SPAG17: variants seen among roughly 807,000 people sequenced by gnomAD.
SPAG17 encodes sperm associated antigen 17.
SPAG17 carries 169 observed loss-of-function variants against 273.6 expected under a neutral mutation model. The ratio of observed to expected loss-of-function variants is 0.62; its 90% CI spans 0.55 to 0.70. The LOEUF (loss-of-function observed/expected upper bound fraction) is 0.70, where lower values mean the gene tolerates loss of function less well. Among genes scored for constraint, SPAG17 ranks in the 30% least tolerant of loss-of-function variants. SPAG17 has a pLI of 0.00. For missense variants in SPAG17, 2,557 were observed against 2,627.8 expected, an observed-to-expected ratio of 0.97 and a Z score of 0.59; for synonymous variants, 825 against 873.2, an observed-to-expected ratio of 0.94 and a Z score of 0.97.
chr1:118,106,810 G>A (rs184640303), intron 4 of SPAG17, among the ~76,000 whole-genome samples: 2 of 152,258 alleles, frequency 1.3e-5, no homozygotes, highest in East Asian at 3.9e-4. Flanking sequence ...TCATGTGTTA[G>A]ACAGTAAGAG....
chr1:118,179,194 A>G (rs1660827295), intron 1 of SPAG17, among the ~76,000 whole-genome samples: 1 of 151,698 alleles, frequency 6.6e-6, no homozygotes, highest in Admixed American at 6.6e-5. Flanking sequence ...TGATTTCAAA[A>G]TATAGTAAAC....
Position 118,040,850 on chromosome 1 carries a change from G to GA in SPAG17, c.3055-10dup, listed in dbSNP as rs1314573770. ...ATATTGTATCCGTGAAACTAGAAGA[G>GA]AAAATATTATGCTTTGAGTGTGAAG... On this transcript the variant is annotated splice_polypyrimidine_tract_variant and intron_variant, in intron 21 of 48. Transcript: ENST00000336338. The GA allele has an allele frequency of 9.3e-6, 14 of 1,506,978 alleles. No homozygotes were observed. The highest frequency in any genetic ancestry group is 1.3e-5 in the Non-Finnish European group (14 of 1,081,812). 93.4% of individuals were successfully genotyped at this position (1,506,978 alleles called of 1,614,324 possible).
chr1:118,078,535 T>C (rs1176528047), intron 15 of SPAG17, among the ~76,000 whole-genome samples: 1 of 152,116 alleles, frequency 6.6e-6, no homozygotes, highest in Non-Finnish European at 1.5e-5. Flanking sequence ...CAAATAATGA[T>C]GGTTTTATTT....
intron 32 of SPAG17, among the ~76,000 whole-genome samples, chr1:118,002,231 C>T (rs1183379899): frequency 6.6e-6 from 1 of 152,138 alleles, no homozygotes; most frequent in Non-Finnish European, 1.5e-5. Flanking sequence ...CTGAGGAGTG[C>T]TTTACTTCCA....
At chr1:117,962,575 G>A (rs1405622001) in intron 48 of SPAG17, 3 of 150,582 alleles carry the variant, frequency 2.0e-5, no homozygotes, top group Non-Finnish European at 4.4e-5. Context: ...CTTGAATGAT[G>A]TATTGGGAGT....
chr1:118,162,973 G>A (rs1570806760), intron 1 of SPAG17, among the ~76,000 whole-genome samples: 1 of 152,218 alleles, frequency 6.6e-6, no homozygotes, highest in South Asian at 2.1e-4. Context: ...TAGATAAATA[G>A]ATACATAGGC....
At chr1:118,000,091 A>AC (rs1352316948) in intron 32 of SPAG17, among the ~76,000 whole-genome samples, 1 of 152,156 alleles carries the variant, frequency 6.6e-6, no homozygotes, top group African/African-American at 2.4e-5. Context: ...TCCTTTCCCC[A>AC]TTTCTTATTT....
intron 3 of SPAG17, among the ~76,000 whole-genome samples, chr1:118,140,357 C>G (rs990773947): frequency 6.6e-6 from 1 of 151,950 alleles, no homozygotes; most frequent in Non-Finnish European, 1.5e-5. Context: ...AATGTTCTCA[C>G]CACAAAAAAT....
chr1:118,161,465 ATC>A (rs1659907223), intron 1 of SPAG17, among the ~76,000 whole-genome samples: 1 of 152,060 alleles, frequency 6.6e-6, no homozygotes, highest in Non-Finnish European at 1.5e-5. Context: ...AGTTCCTGAG[ATC>A]TTTCTTCTGA....
At chr1:117,971,285 CACAAA>C (rs759163670) in intron 45 of SPAG17, among the ~76,000 whole-genome samples, 1 of 152,150 alleles carries the variant, frequency 6.6e-6, no homozygotes, top group Non-Finnish European at 1.5e-5. Context: ...TGAAATTTCA[CACAAA>C]ACAAAGCATT....
intron 13 of SPAG17, among the ~76,000 whole-genome samples, chr1:118,084,061 G>A (rs935484127): frequency 1.3e-5 from 2 of 152,102 alleles, no homozygotes; most frequent in Non-Finnish European, 2.9e-5. Flanking sequence ...GTAGAGAGCT[G>A]AGCTGAAGGG....
chr1:117,982,168 A>G (rs1200280007), intron 42 of SPAG17, among the ~76,000 whole-genome samples: 1 of 151,534 alleles, frequency 6.6e-6, no homozygotes, highest in Non-Finnish European at 1.5e-5. Flanking sequence ...AGATATTTCT[A>G]TTGTATGCGT....
chr1:118,143,516 T>C (rs1658793999), intron 3 of SPAG17, among the ~76,000 whole-genome samples: 1 of 151,716 alleles, frequency 6.6e-6, no homozygotes, highest in Non-Finnish European at 1.5e-5. Context: ...CCAGGCAACA[T>C]AGCACGCTCC....
intron 3 of SPAG17, among the ~76,000 whole-genome samples, chr1:118,146,071 T>C (rs1206313241): frequency 6.6e-6 from 1 of 152,214 alleles, no homozygotes; most frequent in Non-Finnish European, 1.5e-5. Context: ...ACTTTTAGGA[T>C]GGTTGGTTCT....
In SPAG17 at chr1:118,081,642, T is replaced by C. The variant is rs1268213986; in HGVS notation, c.1763A>G (p.Asp588Gly). ...TTCTACTTCATTCCAGCTCAAGACATCTGTAAGAAAGCAGAACCAGTGCTG... is the reference window on the plus strand; with the variant it reads ...TTCTACTTCATTCCAGCTCAAGACACCTGTAAGAAAGCAGAACCAGTGCTG... Reference protein sequence around the residue: ...IHELMHFCTSDVLSWNEVERA... With the variant: ...IHELMHFCTSGVLSWNEVERA... Residue 588 changes from aspartate to glycine, a missense_variant and splice_region_variant, in exon 14 of 49, where the codon GAT (aspartate) becomes GGT (glycine). By Grantham distance (94) the Asp-to-Gly change is moderately conservative. Coordinates refer to ENST00000336338, the MANE Select transcript of SPAG17 (RefSeq NM_206996.4). The C allele has an allele frequency of 6.2e-7, 1 of 1,613,122 alleles. No homozygotes were observed. Among genetic ancestry groups the C allele is most frequent in the South Asian group, 1.1e-5 (1 of 91,060 alleles).
rs558284044 is a variant in SPAG17 at position 118,153,848 on chromosome 1, G to A, written c.88-2479C>T. Among the ~76,000 whole-genome samples the A allele has an allele frequency of 9.4e-4, 141 of 149,444 alleles. 1 individual carries two copies. The highest frequency in any genetic ancestry group is 3.2e-3 in the African/African-American group (132 of 40,686). On this transcript the variant is annotated intron_variant, in intron 1 of 48. Transcript: ENST00000336338. ...TGACAAAGCGAGACTCCGTCTCAAAGAAAAAAGAAAAAGAAAAAAGAAAAA... is the reference window on the plus strand; with the variant it reads ...TGACAAAGCGAGACTCCGTCTCAAAAAAAAAAGAAAAAGAAAAAAGAAAAA...
At chr1:118,103,694 G>T (rs747325357) in intron 4 of SPAG17, among the ~76,000 whole-genome samples, 4 of 152,102 alleles carry the variant, frequency 2.6e-5, no homozygotes, top group Admixed American at 6.6e-5. Flanking sequence ...TTTCGTGACT[G>T]CTATGAAGAA....
chr1:118,026,565 G>C (rs897346961), intron 26 of SPAG17, among the ~76,000 whole-genome samples: 5 of 152,056 alleles, frequency 3.3e-5, no homozygotes, highest in African/African-American at 9.7e-5. Context: ...CTTTTATTGA[G>C]TCTGCCTTCA....
At chr1:118,039,738 T>C (rs754374262) in intron 22 of SPAG17, among the ~76,000 whole-genome samples, 6 of 152,160 alleles carry the variant, frequency 3.9e-5, no homozygotes, top group Non-Finnish European at 8.8e-5. Flanking sequence ...AGCCCTGCGA[T>C]ACACAATTTA....
Sources: gnomAD v4.1 joint callset for allele counts (sites outside exome capture counted in the v4.1 genomes callset) on GRCh38, gnomAD v4.1.1 for gene constraint, MANE v1.5 for transcripts, NCBI Gene and HGNC (gene_info 2026-07-23, HGNC 2026-07-21) for gene names.